NME5: variants seen among roughly 807,000 people sequenced by gnomAD.
NME5 encodes NME/NM23 family member 5, also known as nucleoside diphosphate kinase 5.
NME5 carries 18 observed loss-of-function variants against 21.6 expected under a neutral mutation model. That is an observed-to-expected ratio of 0.83 (90% CI 0.58 to 1.24). The LOEUF is 1.24. Among genes scored for constraint, NME5 ranks in the 50% most tolerant of loss-of-function variants. The pLI, the probability that NME5 is intolerant of heterozygous loss-of-function variation, is 0.00. For synonymous variants in NME5, 70 were observed against 80.6 expected (o/e 0.87, Z 0.71); for missense variants, 223 against 255.4 (o/e 0.87, Z 0.86).
intron 4 of NME5, among the ~76,000 whole-genome samples, chr5:138,120,230 C>T (rs113833897): frequency 0.018 from 1,588 of 87,110 alleles, 108 homozygotes; most frequent in African/African-American, 0.024. Flanking sequence ...GCTCCCAGCT[C>T]TTTTTTTTTT....
chr5:138,131,204 T>TTA (rs1751558435), intron 2 of NME5, among the ~76,000 whole-genome samples: 1 of 80,876 alleles, frequency 1.2e-5, no homozygotes, highest in Admixed American at 1.4e-4. Context: ...CCGTCTCTGC[T>TTA]AAAAAAAAAA....
In NME5 at chr5:138,127,898, T is replaced by A. The variant is rs1751459388; in HGVS notation, c.436+581A>T. Among the ~76,000 whole-genome samples the A allele has an allele frequency of 2.6e-5, 4 of 152,242 alleles. No homozygotes were observed. In the South Asian group the frequency reaches 8.3e-4, roughly 32 times the overall value. ...AAGAACTGTTACACAGAAGAATATG[T>A]CTAATGCAAGAGAAAAGAAAGAAAA... On this transcript the variant is annotated intron_variant, in intron 4 of 5. Coordinates refer to ENST00000265191, the MANE Select transcript of NME5 (RefSeq NM_003551.3).
chr5:138,124,361 A>G (rs1231208235), intron 4 of NME5, among the ~76,000 whole-genome samples: 1 of 151,996 alleles, frequency 6.6e-6, no homozygotes, highest in Admixed American at 6.6e-5. Flanking sequence ...AAAAATATCT[A>G]TTCAAGTCCT....
chr5:138,115,798 AAC>A, intron 5 of NME5, 34 bp from the exon 6 acceptor site: 1 of 1,427,226 alleles, frequency 7.0e-7, no homozygotes, highest in South Asian at 1.3e-5. Flanking sequence ...TAAGTTAAGA[AAC>A]AGTTACATAT....
intron 4 of NME5, among the ~76,000 whole-genome samples, chr5:138,121,377 C>T (rs1445709149): frequency 1.3e-5 from 2 of 151,898 alleles, no homozygotes; most frequent in Non-Finnish European, 2.9e-5. Flanking sequence ...TAGTGGGCAC[C>T]ACTGCACTTC....
At position 138,138,725 on chromosome 5, in the gene NME5, A is replaced by T. The variant is rs766623181; in HGVS notation, c.56T>A (p.Ile19Asn). Residue 19 changes from isoleucine to asparagine, a missense_variant, in exon 2 of 6, where the codon ATC becomes AAC. By Grantham distance (149) the Ile-to-Asn change is moderately radical (BLOSUM62 -3). Transcript: ENST00000265191. ...QIYVEKTLAI[I>N]KPDIVDKEEE... ...CTCTTTGTCAACAATATCTGGTTTG[A>T]TAATGGCCAGAGTTTTTTCTACATA... 5.6e-6 allele frequency: 9 copies of T among 1,612,772 alleles called. No homozygotes were observed. Among genetic ancestry groups the T allele is most frequent in the Non-Finnish European group, 6.8e-6 (8 of 1,179,472 alleles).
intron 2 of NME5, among the ~76,000 whole-genome samples, chr5:138,135,039 C>G (rs1162715597): frequency 6.8e-6 from 1 of 147,778 alleles, no homozygotes; most frequent in African/African-American, 2.5e-5. Context: ...ACTTTTTTGG[C>G]CGGGCATAGT....
rs1310181000 is a variant in NME5 at position 138,139,395 on chromosome 5, C to G, written c.-30G>C. Reference sequence around the variant, plus strand: ...CCTCAGCGGCCGTCCTCATATGGTACAACTTGTTGCTAGGAGACCTGAAGC... The same window carrying G: ...CCTCAGCGGCCGTCCTCATATGGTAGAACTTGTTGCTAGGAGACCTGAAGC... On this transcript the variant is annotated 5_prime_UTR_variant, in exon 1 of 6. Coordinates refer to ENST00000265191, the MANE Select transcript of NME5 (RefSeq NM_003551.3). 3.0e-6 allele frequency: 3 copies of G among 985,554 alleles called. No individual in the cohort carries two copies. The highest frequency in any genetic ancestry group is 3.6e-6 in the Non-Finnish European group (3 of 830,156). 61.1% of individuals were successfully genotyped at this position (985,554 alleles called of 1,614,324 possible).
intron 2 of NME5, among the ~76,000 whole-genome samples, chr5:138,134,256 T>C (rs532419522): frequency 6.6e-6 from 1 of 151,446 alleles, no homozygotes; most frequent in East Asian, 1.9e-4. Flanking sequence ...TGTTTGTTTG[T>C]TTTTTGAGAT....
intron 5 of NME5, chr5:138,116,609 T>G (rs979001998): frequency 6.6e-6 from 1 of 152,210 alleles, no homozygotes; most frequent in Non-Finnish European, 1.5e-5. Flanking sequence ...AAAACTGGAA[T>G]GATACAGAGA....
chr5:138,139,391 G>A lies in NME5; in HGVS notation c.-26C>T, dbSNP rs966968650. ...CTCACCTCAGCGGCCGTCCTCATAT[G>A]GTACAACTTGTTGCTAGGAGACCTG... On this transcript the variant is annotated 5_prime_UTR_variant, in exon 1 of 6. Coordinates refer to ENST00000265191, the MANE Select transcript of NME5 (RefSeq NM_003551.3). 4 of 985,516 alleles carry A rather than the reference G, an allele frequency of 4.1e-6. No homozygotes were observed. The highest frequency in any genetic ancestry group is 4.8e-6 in the Non-Finnish European group (4 of 830,142). The allele number at this position is 985,516 out of a possible 1,614,324, so 61.0% of individuals were successfully genotyped here.
At chr5:138,127,793 G>T in intron 4 of NME5, 1 of 545,752 alleles carries the variant, frequency 1.8e-6, no homozygotes, top group Non-Finnish European at 2.3e-6. Flanking sequence ...TACAGAAGAC[G>T]GTAAATCAAA....
intron 2 of NME5, 35 bp downstream of exon 2, chr5:138,138,616 AG>A: frequency 6.3e-7 from 1 of 1,584,414 alleles, no homozygotes; most frequent in Non-Finnish European, 8.6e-7. Flanking sequence ...AAGGGCAGAG[AG>A]GAAAAAAGCA....
intron 2 of NME5, among the ~76,000 whole-genome samples, chr5:138,133,655 T>A (rs774609877): frequency 6.6e-6 from 1 of 152,192 alleles, no homozygotes; most frequent in Non-Finnish European, 1.5e-5. Flanking sequence ...GACATATCAT[T>A]TTTCAGCTTT....
At chr5:138,134,161 C>T (rs1297631935) in intron 2 of NME5, among the ~76,000 whole-genome samples, 1 of 152,164 alleles carries the variant, frequency 6.6e-6, no homozygotes, top group African/African-American at 2.4e-5. Flanking sequence ...CTGCAACCTC[C>T]GCCTCCCGGG....
In NME5 at chr5:138,115,332, A is replaced by C. The variant is rs780531195; in HGVS notation, c.*349T>G. The C allele has an allele frequency of 2.2e-4, 36 of 162,580 alleles. No homozygotes were observed. Among genetic ancestry groups the C allele is most frequent in the Non-Finnish European group, 3.9e-4 (29 of 75,044 alleles). The allele number at this position is 162,580 out of a possible 1,614,324, so 10.1% of individuals were successfully genotyped here. A position where few individuals can be genotyped will look rare whatever the true frequency, so the allele number is the denominator to read the frequency against. On this transcript the variant is annotated 3_prime_UTR_variant, in exon 6 of 6. Transcript: ENST00000265191. The stretch of plus-strand genomic sequence containing the variant: ...AAGCCTTTTAAACTAGACTGTCTCA[A>C]CTGTGCATTAATTATGTATTTAGAT...
intron 4 of NME5, among the ~76,000 whole-genome samples, chr5:138,123,282 T>C (rs561085011): frequency 3.3e-5 from 5 of 152,302 alleles, no homozygotes; most frequent in Admixed American, 3.3e-4. Context: ...CTTAGCAATT[T>C]TCAACAACAC....
intron 4 of NME5, chr5:138,123,250 G>A (rs1170907838): frequency 1.3e-5 from 2 of 152,066 alleles, no homozygotes; most frequent in East Asian, 3.9e-4. Context: ...TTTTTGTGGT[G>A]AGAACACTTA....
chr5:138,133,796 G>C (rs1404445949), intron 2 of NME5, among the ~76,000 whole-genome samples: 3 of 152,170 alleles, frequency 2.0e-5, no homozygotes, highest in African/African-American at 7.2e-5. Context: ...AATTCCTACA[G>C]ACAGCAAGTA....
Sources: allele counts gnomAD v4.1 joint callset (sites outside exome capture counted in the v4.1 genomes callset), GRCh38; gene constraint gnomAD v4.1.1; transcripts MANE v1.5; gene names NCBI Gene and HGNC (gene_info 2026-07-23, HGNC 2026-07-21).